TRIM2: variants seen among roughly 807,000 people sequenced by gnomAD.
TRIM2 encodes the protein tripartite motif containing 2.
TRIM2 carries 20 observed loss-of-function variants against 75.2 expected under a neutral mutation model. The observed-to-expected ratio is 0.27, with a 90% CI of 0.19 to 0.39. The LOEUF is 0.39. TRIM2 is among the 10% of genes least tolerant of loss of function. The pLI is 1.00. For synonymous variants in TRIM2, 373 were observed against 388.3 expected, an observed-to-expected ratio of 0.96 and a Z score of 0.46; for missense variants, 660 against 990.8, an observed-to-expected ratio of 0.67 and a Z score of 4.48.
Position 153,295,727 on chromosome 4 carries a change from G to A in TRIM2, c.1201G>A (p.Gly401Arg), listed in dbSNP as rs1223115826. Residue 401 changes from glycine to arginine, a missense_variant, in exon 6 of 12, where the codon GGG becomes AGG. By Grantham distance (125) the Gly-to-Arg change is moderately radical. Around this residue, in one of 2 missense-constraint regions of TRIM2, gnomAD observed 620 missense variants for 891.0 expected, o/e 0.70. Transcript: ENST00000338700. The surrounding 1 kb of genome is among the most constrained non-coding windows in gnomAD (Gnocchi z 7.2). Reference protein sequence around the residue: ...YLTAELSTPDGSVADGEILDN... With the variant: ...YLTAELSTPDRSVADGEILDN... ...CACCGCCGAACTGAGCACCCCCGAC[G>A]GGAGCGTGGCAGACGGGGAGATCCT... The A allele has an allele frequency of 3.7e-6, 6 of 1,614,004 alleles. No homozygotes were observed. Among genetic ancestry groups the A allele is most frequent in the South Asian group, 1.1e-5 (1 of 91,066 alleles).
At chr4:153,196,566 A>G (rs962100702) in intron 1 of TRIM2, among the ~76,000 whole-genome samples, 5 of 152,224 alleles carry the variant, frequency 3.3e-5, no homozygotes, top group Admixed American at 3.3e-4. Flanking sequence ...GCTTTAGAAC[A>G]GTACCCAGCA....
At chr4:153,241,694 A>T (rs1296829193) in intron 1 of TRIM2, among the ~76,000 whole-genome samples, 1 of 152,198 alleles carries the variant, frequency 6.6e-6, no homozygotes, top group Non-Finnish European at 1.5e-5. Context: ...GCTCATGAAG[A>T]TCCATTCATT....
intron 1 of TRIM2, 57 bp from the exon 2 acceptor site, chr4:153,270,278 T>C: frequency 1.9e-6 from 3 of 1,545,358 alleles, no homozygotes; most frequent in Non-Finnish European, 2.6e-6. Flanking sequence ...GAGCCAGTGA[T>C]TGACTTGTAC....
At chr4:153,260,696 C>CTCACACACACACACACA (rs1560902840) in intron 1 of TRIM2, among the ~76,000 whole-genome samples, 1 of 58,074 alleles carries the variant, frequency 1.7e-5, no homozygotes, top group African/African-American at 5.8e-5. Flanking sequence ...ACCCACCCCC[C>CTCACACACACACACACA]CCCCCACACA....
In TRIM2 at chr4:153,334,876, C is replaced by G. The variant is rs1195853126; in HGVS notation, c.2226C>G (p.Gly742=). 2 of 1,613,984 alleles carry G rather than the reference C, an allele frequency of 1.2e-6. No individual in the cohort carries two copies. Among genetic ancestry groups the G allele is most frequent in the Non-Finnish European group, 1.7e-6 (2 of 1,179,910 alleles). The change falls in exon 12 of 12, where the codon GGC becomes GGG. Residue 742 remains glycine, a synonymous_variant. Transcript: ENST00000338700. ...ACACATCTGCTGACCCACTCTATGG[C>G]CCCCAAGGCCTGGCCCTAACTTCAG... The part of the protein sequence containing the change: ...YINTSADPLY[G]PQGLALTSDG...
At chr4:153,279,597 TA>T (rs1266104141) in intron 3 of TRIM2, among the ~76,000 whole-genome samples, 1 of 152,068 alleles carries the variant, frequency 6.6e-6, no homozygotes, top group Non-Finnish European at 1.5e-5. Context: ...TTCCTTTATT[TA>T]AAAAGAATTC....
chr4:153,326,650 T>A (rs891988096), intron 10 of TRIM2, among the ~76,000 whole-genome samples: 1 of 152,088 alleles, frequency 6.6e-6, no homozygotes, highest in African/African-American at 2.4e-5. Context: ...ACTACTTGAG[T>A]CATTTGGATT....
chr4:153,289,755 G>A (rs1231545405), intron 3 of TRIM2, among the ~76,000 whole-genome samples: 2 of 152,198 alleles, frequency 1.3e-5, no homozygotes, highest in African/African-American at 2.4e-5. Context: ...TTCTAGACAT[G>A]AGGCCATGCT....
At chr4:153,231,257 G>T (rs1743533301) in intron 1 of TRIM2, among the ~76,000 whole-genome samples, 1 of 152,122 alleles carries the variant, frequency 6.6e-6, no homozygotes, top group Admixed American at 6.5e-5. Flanking sequence ...TATCACATAG[G>T]AAACCATTAG....
At chr4:153,241,596 G>A (rs1298915601) in intron 1 of TRIM2, among the ~76,000 whole-genome samples, 2 of 152,128 alleles carry the variant, frequency 1.3e-5, no homozygotes, top group Non-Finnish European at 1.5e-5. Context: ...GAGCATGTGA[G>A]CAGAGAACCC....
chr4:153,198,466 A>G (rs745870937), intron 1 of TRIM2, among the ~76,000 whole-genome samples: 20 of 152,084 alleles, frequency 1.3e-4, no homozygotes, highest in Non-Finnish European at 2.4e-4. Flanking sequence ...ACCCTCCACC[A>G]TGATTACGAG....
At chr4:153,224,280 T>C (rs767673481) in intron 1 of TRIM2, among the ~76,000 whole-genome samples, 1 of 152,218 alleles carries the variant, frequency 6.6e-6, no homozygotes, top group Non-Finnish European at 1.5e-5. Flanking sequence ...CTTAGGTTCA[T>C]ATAACAATGA....
rs1159989977 is a variant in TRIM2, at chr4:153,204,530, G to GATGC, written c.2_5dup (p.Arg3AlafsTer26). 5.2e-6 allele frequency: 8 copies of GATGC among 1,551,604 alleles called. No homozygotes were observed. Among genetic ancestry groups the GATGC allele is most frequent in the Non-Finnish European group, 6.1e-6 (7 of 1,147,014 alleles). On this transcript the variant is annotated 5_prime_UTR_variant, in exon 1 of 12. In the 5' UTR this introduces an upstream ATG that the reference lacks. Coordinates refer to ENST00000338700, the MANE Select transcript of TRIM2 (RefSeq NM_015271.5). ...TTGGAGGAGGCTGGCTCTGGTCTTCGATGCACAGGAGTGGCCGTTATGGAA... is the reference window on the plus strand; with the variant it reads ...TTGGAGGAGGCTGGCTCTGGTCTTCGATGCATGCACAGGAGTGGCCGTTATGGAA...
chr4:153,332,262 C>T (rs1166044468), intron 11 of TRIM2, among the ~76,000 whole-genome samples: 2 of 152,172 alleles, frequency 1.3e-5, no homozygotes, highest in African/African-American at 4.8e-5. Flanking sequence ...TATTTACCAA[C>T]TGAATTTCTG....
intron 11 of TRIM2, among the ~76,000 whole-genome samples, chr4:153,329,759 C>A (rs937340834): frequency 6.6e-5 from 10 of 151,812 alleles, no homozygotes; most frequent in Non-Finnish European, 1.0e-4. Flanking sequence ...ATCGCTTGAA[C>A]CCAGGAGGAA....
chr4:153,257,974 C>G (rs1316480266), intron 1 of TRIM2, among the ~76,000 whole-genome samples: 1 of 152,118 alleles, frequency 6.6e-6, no homozygotes, highest in Non-Finnish European at 1.5e-5. Context: ...TTATCAAGTT[C>G]TAATGTGATC....
intron 1 of TRIM2, among the ~76,000 whole-genome samples, chr4:153,172,588 C>T (rs1172973256): frequency 6.6e-6 from 1 of 152,190 alleles, no homozygotes; most frequent in African/African-American, 2.4e-5. Flanking sequence ...CATAATTGTT[C>T]ATTCAGCGCA....
chr4:153,287,737 CTACA>C (rs2150113197), intron 3 of TRIM2, among the ~76,000 whole-genome samples: 1 of 152,260 alleles, frequency 6.6e-6, no homozygotes, highest in East Asian at 1.9e-4. Flanking sequence ...GTATGCTCAG[CTACA>C]TAGGTTTGTA....
At chr4:153,197,689 T>C (rs1733919677) in intron 1 of TRIM2, among the ~76,000 whole-genome samples, 1 of 152,028 alleles carries the variant, frequency 6.6e-6, no homozygotes, top group Non-Finnish European at 1.5e-5. Flanking sequence ...CTGGCCAATA[T>C]GGAGAAACCC....
Sources: gnomAD v4.1 joint callset for allele counts (sites outside exome capture counted in the v4.1 genomes callset) on GRCh38, gnomAD v4.1.1 for gene constraint, gnomAD v4.1.1 regional missense constraint, Gnocchi (gnomAD v3.1) non-coding constraint, MANE v1.5 for transcripts, NCBI Gene and HGNC (gene_info 2026-07-23, HGNC 2026-07-21) for gene names.